The following KIF20B variants were observed in gnomAD, a reference collection of about 807,000 sequenced individuals.
KIF20B encodes the protein kinesin family member 20B.
In KIF20B, 188 loss-of-function variants were observed where a neutral mutation model predicts 232.5. That is an observed-to-expected ratio of 0.81 (90% confidence interval 0.72 to 0.91). The LOEUF is 0.91. KIF20B is among the 40% of genes least tolerant of loss of function. KIF20B has a pLI of 0.00. For missense variants in KIF20B, 2,154 were observed against 2,055.9 expected, an observed-to-expected ratio of 1.05 and a Z score of -0.92; for synonymous variants, 712 against 683.0, an observed-to-expected ratio of 1.04 and a Z score of -0.66.
chr10:89,768,863 T>G lies in KIF20B; in HGVS notation c.5217T>G (p.His1739Gln). ...TLQKFGDFLQHSPSILQSKAK... is the reference protein window; with the variant it reads ...TLQKFGDFLQQSPSILQSKAK... Reference sequence around the variant, plus strand: ...AGAAATTTGGAGACTTCTTACAACATTCTCCCTCAATTCTTCAATCAAAAG... The same window carrying G: ...AGAAATTTGGAGACTTCTTACAACAGTCTCCCTCAATTCTTCAATCAAAAG... The change falls in exon 31 of 33, where the codon CAT becomes CAG. Residue 1739 changes from histidine to glutamine, a missense_variant. Transcript: ENST00000371728. The G allele has an allele frequency of 6.2e-7, 1 of 1,601,752 alleles. No individual in the cohort carries two copies. Among genetic ancestry groups the G allele is most frequent in the Non-Finnish European group, 8.5e-7 (1 of 1,176,084 alleles).
At chr10:89,726,580 G>A (rs1042627871) in intron 16 of KIF20B, 59 bp downstream of exon 16, 5 of 1,364,020 alleles carry the variant, frequency 3.7e-6, no homozygotes, top group East Asian at 2.5e-5. Context: ...AGTACTCTTG[G>A]TAAGTATAAG....
chr10:89,709,231 C>A lies in KIF20B; in HGVS notation c.212C>A (p.Ser71Ter). Reference protein sequence around the residue: ...VCLRIRPFTQSEKELESEGCV... With the variant: ...VCLRIRPFTQ ...CTTCGAATAAGACCATTTACACAGT[C>A]AGAAAAAGAACTTGAGTCTGAGGTT... The change falls in exon 3 of 33, where the codon TCA (serine) becomes TAA (stop). Residue 71 changes from serine to a stop codon, truncating the protein, a stop_gained. Coordinates refer to ENST00000371728, the MANE Select transcript of KIF20B (RefSeq NM_001284259.2). LOFTEE classifies it high-confidence loss of function. 6.2e-7 allele frequency: 1 copy of A among 1,610,032 alleles called. No homozygotes were observed. The highest frequency in any genetic ancestry group is 1.1e-5 in the South Asian group (1 of 90,206).
intron 17 of KIF20B, among the ~76,000 whole-genome samples, chr10:89,728,906 T>C (rs1217913965): frequency 4.4e-5 from 1 of 22,616 alleles, no homozygotes; most frequent in Non-Finnish European, 1.0e-4. Flanking sequence ...CTTTTTTCTT[T>C]GTGTGTGTGT....
intron 13 of KIF20B, among the ~76,000 whole-genome samples, chr10:89,719,946 A>G (rs982541858): frequency 6.6e-6 from 1 of 152,188 alleles, no homozygotes; most frequent in Non-Finnish European, 1.5e-5. Flanking sequence ...TTTGGTCTGT[A>G]CAATTTGAAA....
At position 89,719,403 on chromosome 10, in the gene KIF20B, T is replaced by C. The variant is rs376824723; in HGVS notation, c.1435-16T>C. On this transcript the variant is annotated splice_polypyrimidine_tract_variant and intron_variant, in intron 12 of 32. Coordinates refer to ENST00000371728, the MANE Select transcript of KIF20B (RefSeq NM_001284259.2). The stretch of plus-strand genomic sequence containing the variant: ...TGTCTTTTCTGTTTTAAAAGTCACA[T>C]TGAATATTTTAACAGGTTTGTGTCC... 2.0e-6 allele frequency: 3 copies of C among 1,519,842 alleles called. No individual in the cohort carries two copies. Among genetic ancestry groups the C allele is most frequent in the East Asian group, 2.3e-5 (1 of 44,234 alleles). The allele number at this position is 1,519,842 out of a possible 1,614,324, so 94.1% of individuals were successfully genotyped here. A position where few individuals can be genotyped will look rare whatever the true frequency, so the allele number is the denominator to read the frequency against.
chr10:89,769,406 T>C (rs939429964), intron 31 of KIF20B, among the ~76,000 whole-genome samples: 2 of 151,674 alleles, frequency 1.3e-5, no homozygotes, highest in Admixed American at 1.3e-4. Context: ...GCTAAAAGCC[T>C]AAAACAAAAC....
chr10:89,732,109 C>G (rs561779588), intron 18 of KIF20B, among the ~76,000 whole-genome samples: 3 of 149,852 alleles, frequency 2.0e-5, no homozygotes, highest in South Asian at 2.1e-4. Flanking sequence ...AAGTTCCCCC[C>G]CTCTCTCAGC....
Position 89,774,128 on chromosome 10 carries a change from A to G in KIF20B, c.*80A>G, listed in dbSNP as rs1324823962. On this transcript the variant is annotated 3_prime_UTR_variant, in exon 33 of 33. Transcript: ENST00000371728. ...CATCCTGTATTGTAAATATAAATGTATATATTATGCATTAAATCACTCTGC... is the reference window on the plus strand; with the variant it reads ...CATCCTGTATTGTAAATATAAATGTGTATATTATGCATTAAATCACTCTGC... The G allele has an allele frequency of 2.5e-6, 2 of 807,864 alleles. No homozygotes were observed. The highest frequency in any genetic ancestry group is 3.9e-6 in the Non-Finnish European group (2 of 513,924). The allele number at this position is 807,864 out of a possible 1,614,324, so 50.0% of individuals were successfully genotyped here.
At chr10:89,752,504 G>A in intron 24 of KIF20B, 63 bp from the exon 25 acceptor site, 3 of 1,231,684 alleles carry the variant, frequency 2.4e-6, no homozygotes, top group East Asian at 5.7e-5. Flanking sequence ...CATGTCAAGT[G>A]TATCTCTACA....
In KIF20B at chr10:89,737,567, A is replaced by C; in HGVS notation, c.2726A>C (p.Asn909Thr). 1 of 1,607,310 alleles carries C rather than the reference A, an allele frequency of 6.2e-7. No homozygotes were observed. The highest frequency in any genetic ancestry group is 8.5e-7 in the Non-Finnish European group (1 of 1,177,394). ...KNEKEEKAEL[N>T]KQIVHFQQEL... ...GAAAAGGAAGAAAAAGCAGAATTAA[A>C]TAAACAGATTGTTCATTTTCAGCAG... Residue 909 changes from asparagine to threonine, a missense_variant, in exon 20 of 33, where the codon AAT becomes ACT. By Grantham distance (65) the Asn-to-Thr change is moderately conservative. Transcript: ENST00000371728.
In KIF20B at chr10:89,762,754, A is replaced by G. The variant is rs768870834; in HGVS notation, c.4908A>G (p.Ala1636=). The G allele has an allele frequency of 1.9e-6, 3 of 1,613,446 alleles. No individual in the cohort carries two copies. The highest frequency in any genetic ancestry group is 2.2e-5 in the East Asian group (1 of 44,840). Residue 1636 remains alanine (A), a synonymous_variant, in exon 29 of 33, where the codon GCA becomes GCG. Transcript: ENST00000371728. ...QFTPLQPNKM[A]VKHPGCTTPV... is the part of the protein sequence containing the mutation. ...CACCTTTACAGCCAAACAAAATGGC[A>G]GTGAAACACCCTGGTTGTACCACAC...
intron 23 of KIF20B, among the ~76,000 whole-genome samples, chr10:89,747,812 A>G (rs985366142): frequency 2.0e-5 from 3 of 152,138 alleles, no homozygotes; most frequent in African/African-American, 7.2e-5. Flanking sequence ...GGTGCAGCGC[A>G]CCAGCATGTC....
intron 29 of KIF20B, 87 bp downstream of exon 29, chr10:89,762,922 C>G: frequency 1.1e-6 from 1 of 944,144 alleles, no homozygotes; most frequent in Non-Finnish European, 1.6e-6. Context: ...ATATTGCCCT[C>G]CTGTTCATAG....
At chr10:89,770,418 T>C (rs1842439928) in intron 31 of KIF20B, among the ~76,000 whole-genome samples, 1 of 151,948 alleles carries the variant, frequency 6.6e-6, no homozygotes, top group Non-Finnish European at 1.5e-5. Context: ...ATATCTAAAT[T>C]TGGAGAGGAG....
At chr10:89,730,580 G>A (rs1462412737) in intron 18 of KIF20B, among the ~76,000 whole-genome samples, 1 of 152,166 alleles carries the variant, frequency 6.6e-6, no homozygotes, top group Non-Finnish European at 1.5e-5. Flanking sequence ...GACAGTGGTA[G>A]TCAGGAGAGA....
chr10:89,757,937 A>G (rs557838252), intron 26 of KIF20B, among the ~76,000 whole-genome samples: 13 of 151,834 alleles, frequency 8.6e-5, no homozygotes, highest in African/African-American at 2.9e-4. Context: ...TCAGTTGACC[A>G]TGCATTTGTA....
At position 89,751,469 on chromosome 10, in the gene KIF20B, C is replaced by T. The variant is rs761563097; in HGVS notation, c.4220C>T (p.Thr1407Ile). 4 of 1,599,154 alleles carry T rather than the reference C, an allele frequency of 2.5e-6. No homozygotes were observed. Among genetic ancestry groups the T allele is most frequent in the East Asian group, 4.5e-5 (2 of 44,306 alleles). ...TTAGAGGAAGTTGAAAGGCTGGCCA[C>T]AGGTAAAACAAGATTGCTTACATTT... ...AKLEEVERLATELEKWKEKCN... is the reference protein window; with the variant it reads ...AKLEEVERLAIELEKWKEKCN... Residue 1407 changes from threonine (T) to isoleucine (I), a missense_variant and splice_region_variant, in exon 24 of 33, where the codon ACA becomes ATA. Physicochemically the swap from Thr to Ile is moderately conservative, Grantham distance 89. Transcript: ENST00000371728.
chr10:89,772,465 C>CT (rs1017946226), intron 31 of KIF20B, among the ~76,000 whole-genome samples: 46 of 150,700 alleles, frequency 3.1e-4, no homozygotes, highest in Middle Eastern at 6.8e-3. Context: ...ACTTTATTTG[C>CT]TTTTTTTTTG....
chr10:89,710,164 G>A, intron 5 of KIF20B, 99 bp downstream of exon 5: 2 of 1,000,712 alleles, frequency 2.0e-6, no homozygotes, highest in Non-Finnish European at 2.8e-6. Context: ...CTATTACCTA[G>A]TATGCGTTTG....
Sources: gnomAD v4.1 joint callset for allele counts (sites outside exome capture counted in the v4.1 genomes callset) on GRCh38, gnomAD v4.1.1 for gene constraint, MANE v1.5 for transcripts, NCBI Gene and HGNC (gene_info 2026-07-23, HGNC 2026-07-21) for gene names.